Variants in ATF7IP2 observed in about 807,000 individuals in gnomAD.
ATF7IP2 encodes activating transcription factor 7 interacting protein 2, also known as activating transcription factor 7-interacting protein 2.
ATF7IP2 carries 42 observed loss-of-function variants against 64.2 expected under a neutral mutation model. The ratio of observed to expected loss-of-function variants is 0.65; its 90% confidence interval spans 0.51 to 0.85. ATF7IP2 has a LOEUF of 0.85. ATF7IP2 is among the 40% of genes least tolerant of loss of function. ATF7IP2 has a pLI of 0.00. For synonymous variants in ATF7IP2, 308 were observed against 272.8 expected (o/e 1.13, Z -1.27); for missense variants, 933 against 784.2 (o/e 1.19, Z -2.27).
At chr16:10,420,909 A>G (rs2141841501) in intron 3 of ATF7IP2, among the ~76,000 whole-genome samples, 1 of 152,282 alleles carries the variant, frequency 6.6e-6, no homozygotes, top group South Asian at 2.1e-4. Context: ...TACTAGACCC[A>G]CCTGTGAAGA....
At chr16:10,475,859 T>C (rs1224956469) in intron 12 of ATF7IP2, among the ~76,000 whole-genome samples, 1 of 152,176 alleles carries the variant, frequency 6.6e-6, no homozygotes, top group African/African-American at 2.4e-5. Flanking sequence ...AAGCATTGTT[T>C]GACTGGAGAA....
At chr16:10,457,188 G>C (rs141705149) in intron 8 of ATF7IP2, 184 bp from the exon 9 acceptor site, 12 of 515,584 alleles carry the variant, frequency 2.3e-5, no homozygotes, top group Non-Finnish European at 3.7e-5. Context: ...TTATTTCTTC[G>C]GAGTTTTTAA....
intron 1 of ATF7IP2, chr16:10,387,594 G>C (rs191609050): frequency 6.6e-6 from 1 of 152,242 alleles, no homozygotes; most frequent in Admixed American, 6.5e-5. Flanking sequence ...TTGAAATCTG[G>C]TACGAAACTA....
intron 6 of ATF7IP2, among the ~76,000 whole-genome samples, chr16:10,436,377 A>G (rs1234031380): frequency 7.1e-6 from 1 of 140,522 alleles, no homozygotes; most frequent in Non-Finnish European, 1.6e-5. Flanking sequence ...ATATAATAGT[A>G]TGTGTTACTG....
At chr16:10,440,639 C>G (rs2048583881) in intron 8 of ATF7IP2, among the ~76,000 whole-genome samples, 177 bp downstream of exon 8, 2 of 152,176 alleles carry the variant, frequency 1.3e-5, no homozygotes, top group African/African-American at 4.8e-5. Flanking sequence ...GTACATGCCA[C>G]TTGTATTTCT....
intron 3 of ATF7IP2, among the ~76,000 whole-genome samples, chr16:10,427,648 G>T (rs765578808): frequency 1.4e-4 from 22 of 152,138 alleles, no homozygotes; most frequent in Non-Finnish European, 2.4e-4. Flanking sequence ...TTCAGCCCAG[G>T]AGTTTCAGAC....
At chr16:10,479,057 T>G (rs1196017056) in intron 12 of ATF7IP2, among the ~76,000 whole-genome samples, 1 of 151,170 alleles carries the variant, frequency 6.6e-6, no homozygotes. Context: ...TTGGTGGGAC[T>G]GTAAACTAGT....
chr16:10,400,966 T>G (rs1166555581), intron 1 of ATF7IP2, among the ~76,000 whole-genome samples: 2 of 152,086 alleles, frequency 1.3e-5, no homozygotes, highest in Non-Finnish European at 2.9e-5. Flanking sequence ...CCTCCCAAAG[T>G]GCTGGGAATA....
chr16:10,477,978 A>G (rs2050073242), intron 12 of ATF7IP2, among the ~76,000 whole-genome samples: 1 of 146,498 alleles, frequency 6.8e-6, no homozygotes, highest in Non-Finnish European at 1.5e-5. Flanking sequence ...GGAGAACTAC[A>G]AACCACTGCT....
intron 1 of ATF7IP2, among the ~76,000 whole-genome samples, chr16:10,392,140 A>T (rs1168624304): frequency 8.5e-6 from 1 of 117,980 alleles, no homozygotes; most frequent in African/African-American, 3.4e-5. Flanking sequence ...TGCAACCCCC[A>T]CCCCCCAGGT....
intron 1 of ATF7IP2, among the ~76,000 whole-genome samples, chr16:10,390,679 CTTGGGAGG>C (rs1262383381): frequency 6.6e-6 from 1 of 151,932 alleles, no homozygotes; most frequent in Non-Finnish European, 1.5e-5. Flanking sequence ...GTCCTACCTC[CTTGGGAGG>C]CTGAGGCAGT....
intron 1 of ATF7IP2, among the ~76,000 whole-genome samples, chr16:10,400,857 T>A (rs2047517074): frequency 6.6e-6 from 1 of 152,116 alleles, no homozygotes; most frequent in African/African-American, 2.4e-5. Context: ...AAATTTTGTA[T>A]TTTCAGTAGA....
intron 6 of ATF7IP2, among the ~76,000 whole-genome samples, chr16:10,437,120 C>G (rs1329675374): frequency 6.6e-6 from 1 of 151,366 alleles, no homozygotes; most frequent in African/African-American, 2.4e-5. Flanking sequence ...CTCCTGGATT[C>G]AAGCAGTTCT....
At chr16:10,392,873 G>A (rs1344309710) in intron 1 of ATF7IP2, among the ~76,000 whole-genome samples, 1 of 151,246 alleles carries the variant, frequency 6.6e-6, no homozygotes, top group East Asian at 1.9e-4. Context: ...TGATGTCCCT[G>A]CTACTTGAAG....
At chr16:10,401,650 C>T (rs916531491) in intron 1 of ATF7IP2, among the ~76,000 whole-genome samples, 1 of 151,412 alleles carries the variant, frequency 6.6e-6, no homozygotes, top group Admixed American at 6.6e-5. Flanking sequence ...CCTTTTTTTT[C>T]CCTCTTTTTT....
In ATF7IP2 at chr16:10,473,917, T is replaced by G. The variant is rs778688964; in HGVS notation, c.1483-6T>G. The G allele has an allele frequency of 5.8e-6, 8 of 1,386,262 alleles. No individual in the cohort carries two copies. Among genetic ancestry groups the G allele is most frequent in the South Asian group, 2.9e-5 (2 of 69,396 alleles). The allele number at this position is 1,386,262 out of a possible 1,614,324, so 85.9% of individuals were successfully genotyped here. ...AGCTTTTTTTTTTTTTTTACAATTTTTTTAGGCTGTACAGAAGAAACTTGA... is the reference window on the plus strand; with the variant it reads ...AGCTTTTTTTTTTTTTTTACAATTTGTTTAGGCTGTACAGAAGAAACTTGA... On this transcript the variant is annotated splice_region_variant and splice_polypyrimidine_tract_variant and intron_variant, in intron 11 of 13. Coordinates refer to ENST00000562102, the MANE Select transcript of ATF7IP2 (RefSeq NM_001393719.1).
chr16:10,418,876 A>G (rs2047931389), intron 2 of ATF7IP2, among the ~76,000 whole-genome samples: 1 of 152,166 alleles, frequency 6.6e-6, no homozygotes, highest in Non-Finnish European at 1.5e-5. Context: ...AGATAATAGG[A>G]ACTCTTGCCA....
intron 7 of ATF7IP2, among the ~76,000 whole-genome samples, chr16:10,439,033 C>T (rs372805333): frequency 2.4e-5 from 3 of 125,430 alleles, no homozygotes; most frequent in African/African-American, 9.5e-5. Context: ...AGTCTGCCGA[C>T]AGCGAGACTC....
At chr16:10,427,717 G>A (rs868588714) in intron 3 of ATF7IP2, among the ~76,000 whole-genome samples, 1 of 152,078 alleles carries the variant, frequency 6.6e-6, no homozygotes, top group African/African-American at 2.4e-5. Flanking sequence ...AAATTAGCCA[G>A]TTGTGGTGGT....
Sources: allele counts gnomAD v4.1 joint callset (sites outside exome capture counted in the v4.1 genomes callset), GRCh38; gene constraint gnomAD v4.1.1; transcripts MANE v1.5; gene names NCBI Gene and HGNC (gene_info 2026-07-23, HGNC 2026-07-21).